TMEM108: variants seen among roughly 807,000 people sequenced by gnomAD.
TMEM108 encodes the protein cancer/testis antigen 124.
A neutral mutation model predicts 35.1 loss-of-function variants in TMEM108; 12 were observed. The ratio of observed to expected loss-of-function variants is 0.34; its 90% CI spans 0.22 to 0.55. TMEM108 has a LOEUF of 0.55. TMEM108 is among the 20% of genes least tolerant of loss of function. The pLI, the probability that TMEM108 is intolerant of heterozygous loss-of-function variation, is 0.89. For synonymous variants in TMEM108, 287 were observed against 308.6 expected (o/e 0.93, Z 0.73); for missense variants, 680 against 753.3 (o/e 0.90, Z 1.14).
intron 3 of TMEM108, among the ~76,000 whole-genome samples, chr3:133,328,634 G>A (rs2071358944): frequency 6.6e-6 from 1 of 152,132 alleles, no homozygotes; most frequent in African/African-American, 2.4e-5. Context: ...GGCATTTCCA[G>A]GCAGATAGCA....
chr3:133,227,726 C>A (rs973126206), intron 2 of TMEM108, among the ~76,000 whole-genome samples: 1 of 151,540 alleles, frequency 6.6e-6, no homozygotes, highest in Non-Finnish European at 1.5e-5. Flanking sequence ...GAAACCCTGT[C>A]TCTACTGAAA....
At chr3:133,199,271 C>T (rs1576376913) in intron 2 of TMEM108, among the ~76,000 whole-genome samples, 1 of 152,202 alleles carries the variant, frequency 6.6e-6, no homozygotes, top group Admixed American at 6.5e-5. Flanking sequence ...TCATCTGAAG[C>T]CTTCTTCTCT....
chr3:133,154,614 A>G (rs1040012115), intron 2 of TMEM108, among the ~76,000 whole-genome samples: 1 of 152,146 alleles, frequency 6.6e-6, no homozygotes, highest in African/African-American at 2.4e-5. Flanking sequence ...CGCAAGGACA[A>G]AAAACCAAAC....
At chr3:133,212,307 C>T (rs534778255) in intron 2 of TMEM108, among the ~76,000 whole-genome samples, 3 of 152,102 alleles carry the variant, frequency 2.0e-5, no homozygotes, top group Non-Finnish European at 2.9e-5. Context: ...TTCTTAAAAA[C>T]TTAGGAGAAA....
intron 3 of TMEM108, among the ~76,000 whole-genome samples, chr3:133,230,840 G>A (rs1488164102): frequency 6.6e-6 from 1 of 152,178 alleles, no homozygotes; most frequent in African/African-American, 2.4e-5. Flanking sequence ...ATCCTATGAC[G>A]AGGTCCATCC....
At chr3:133,071,163 A>G (rs1943671473) in intron 2 of TMEM108, among the ~76,000 whole-genome samples, 2 of 152,122 alleles carry the variant, frequency 1.3e-5, no homozygotes, top group African/African-American at 4.8e-5. Flanking sequence ...CTCTTTACTC[A>G]CTGTTTTAGT....
At chr3:133,352,460 A>G (rs1429673145) in intron 3 of TMEM108, among the ~76,000 whole-genome samples, 1 of 152,184 alleles carries the variant, frequency 6.6e-6, no homozygotes, top group African/African-American at 2.4e-5. Context: ...ATGAGATCCC[A>G]TAAGTTAAGA....
chr3:133,251,698 A>G (rs1376303033), intron 3 of TMEM108, among the ~76,000 whole-genome samples: 1 of 152,112 alleles, frequency 6.6e-6, no homozygotes, highest in East Asian at 1.9e-4. Context: ...TTTTGCTCCT[A>G]TCCCACTGTC....
intron 3 of TMEM108, among the ~76,000 whole-genome samples, chr3:133,294,261 G>A (rs193108896): frequency 1.4e-3 from 215 of 152,286 alleles, no homozygotes; most frequent in African/African-American, 4.9e-3. Context: ...GGGTTATTTT[G>A]AGCTGATAGC....
intron 3 of TMEM108, among the ~76,000 whole-genome samples, chr3:133,258,056 C>T (rs1437547809): frequency 6.6e-6 from 1 of 152,142 alleles, no homozygotes; most frequent in Non-Finnish European, 1.5e-5. Flanking sequence ...ATGTTGAAAC[C>T]TGAAGCCCAA....
chr3:133,146,899 T>C (rs1156845628), intron 2 of TMEM108, among the ~76,000 whole-genome samples: 2 of 152,188 alleles, frequency 1.3e-5, no homozygotes, highest in Non-Finnish European at 2.9e-5. Context: ...TATTAATCTT[T>C]TGAAAAAACC....
chr3:133,200,731 T>TAA (rs1308684891), intron 2 of TMEM108, among the ~76,000 whole-genome samples: 2 of 152,222 alleles, frequency 1.3e-5, no homozygotes, highest in Non-Finnish European at 2.9e-5. Context: ...GTTTTTGTCT[T>TAA]ATGTTGTTGT....
At chr3:133,295,867 T>C (rs560857673) in intron 3 of TMEM108, among the ~76,000 whole-genome samples, 22 of 152,260 alleles carry the variant, frequency 1.4e-4, no homozygotes, top group Admixed American at 2.6e-4. Flanking sequence ...AAAACCCACA[T>C]GTTGGTGGGG....
chr3:133,214,887 T>G (rs1250586358), intron 2 of TMEM108, among the ~76,000 whole-genome samples: 1 of 152,064 alleles, frequency 6.6e-6, no homozygotes, highest in Admixed American at 6.5e-5. Flanking sequence ...TATAAGAATC[T>G]AATGCCAGAT....
chr3:133,165,356 A>C (rs1312998381), intron 2 of TMEM108, among the ~76,000 whole-genome samples: 1 of 152,222 alleles, frequency 6.6e-6, no homozygotes, highest in Non-Finnish European at 1.5e-5. Context: ...AGGCCTGGGC[A>C]GACTTAAATG....
chr3:133,198,816 T>A (rs1015010403), intron 2 of TMEM108, among the ~76,000 whole-genome samples: 8 of 152,194 alleles, frequency 5.3e-5, no homozygotes, highest in African/African-American at 1.9e-4. Context: ...TTTCCTGAAT[T>A]TGAATGTCGG....
At chr3:133,358,460 G>A (rs184622020) in intron 3 of TMEM108, among the ~76,000 whole-genome samples, 36 of 152,196 alleles carry the variant, frequency 2.4e-4, no homozygotes, top group African/African-American at 8.4e-4. Context: ...GTGAGTCACC[G>A]TGCCTGGCCA....
chr3:133,257,862 C>T (rs559794439), intron 3 of TMEM108, among the ~76,000 whole-genome samples: 1 of 152,286 alleles, frequency 6.6e-6, no homozygotes. Context: ...GTGTATAACA[C>T]TGAGCTATCC....
At chr3:133,191,638 G>A (rs558002436) in intron 2 of TMEM108, among the ~76,000 whole-genome samples, 3 of 152,232 alleles carry the variant, frequency 2.0e-5, no homozygotes, top group Admixed American at 6.5e-5. Flanking sequence ...ATATTCTCTC[G>A]TCAATCTTGC....
Sources: allele counts gnomAD v4.1 joint callset (sites outside exome capture counted in the v4.1 genomes callset), GRCh38; gene constraint gnomAD v4.1.1; transcripts MANE v1.5; gene names NCBI Gene and HGNC (gene_info 2026-07-23, HGNC 2026-07-21).